The following DPP6 variants were observed in gnomAD, a reference collection of about 807,000 sequenced individuals.
DPP6 encodes dipeptidyl peptidase like 6.
Under a neutral mutation model 122.6 loss-of-function variants are expected in DPP6, and 69 were observed. The ratio of observed to expected loss-of-function variants is 0.56; its 90% CI spans 0.46 to 0.69. The LOEUF is 0.69. DPP6 is among the 30% of genes least tolerant of loss of function. The pLI, the probability that DPP6 is intolerant of heterozygous loss-of-function variation, is 0.00. For missense variants in DPP6, 928 were observed against 1,116.9 expected (o/e 0.83, Z 2.41); for synonymous variants, 418 against 433.1 (o/e 0.97, Z 0.43).
At chr7:153,795,531 G>A in the DPP6 span, among the ~76,000 whole-genome samples, 1 of 151,874 alleles carries the variant, frequency 6.6e-6, no homozygotes. Flanking sequence ...TTAATTTTAT[G>A]GATCTTCTCA....
intron 19 of DPP6, among the ~76,000 whole-genome samples, chr7:154,874,611 G>A (rs1804692779): frequency 1.3e-5 from 2 of 152,208 alleles, no homozygotes; most frequent in Non-Finnish European, 2.9e-5. Context: ...GCACTCGAGC[G>A]CGCCGCTCCT....
Position 154,297,078 on chromosome 7 carries a change from T to G in DPP6, c.244-149136T>G, listed in dbSNP as rs111226746. 6.2e-3 allele frequency among the ~76,000 whole-genome samples: 638 copies of G among 103,154 alleles called. 4 individuals carry two copies. The highest frequency in any genetic ancestry group is 9.7e-3 in the Admixed American group (91 of 9,376). The allele number at this position is 103,154 out of a possible 152,430, so 67.7% of individuals were successfully genotyped here. The stretch of plus-strand genomic sequence containing the variant: ...AATGTATTCTGTTTTTTTTTTTTTG[T>G]TTTGTTTTTCTATTTGGAGGGTGAG... On this transcript the variant is annotated intron_variant, in intron 1 of 25. Transcript: ENST00000377770.
intron 1 of DPP6, among the ~76,000 whole-genome samples, chr7:154,152,261 G>A (rs1796462843): frequency 6.6e-6 from 1 of 152,076 alleles, no homozygotes; most frequent in Non-Finnish European, 1.5e-5. Flanking sequence ...TTTCACAGGA[G>A]GCAGCTGCTG....
intron 1 of DPP6, among the ~76,000 whole-genome samples, chr7:154,160,396 G>T (rs1281666399): frequency 6.6e-6 from 1 of 152,190 alleles, no homozygotes; most frequent in Non-Finnish European, 1.5e-5. Flanking sequence ...CTTCCCCAAT[G>T]CAGGCTTTCT....
intron 7 of DPP6, among the ~76,000 whole-genome samples, chr7:154,726,080 G>T (rs1842052373): frequency 6.6e-6 from 1 of 152,150 alleles, no homozygotes; most frequent in Non-Finnish European, 1.5e-5. Flanking sequence ...AGCTCTGCAG[G>T]GTTCAGCTTC....
At chr7:153,932,839 C>T in intron 1 of DPP6, among the ~76,000 whole-genome samples, 1 of 152,164 alleles carries the variant, frequency 6.6e-6, no homozygotes, top group Admixed American at 6.5e-5. Flanking sequence ...GCTGTGTCCC[C>T]ACCCAAATCT....
chr7:154,345,738 A>G (rs1810341337), intron 1 of DPP6, among the ~76,000 whole-genome samples: 1 of 152,140 alleles, frequency 6.6e-6, no homozygotes, highest in African/African-American at 2.4e-5. Flanking sequence ...CATAAAGGCC[A>G]CTGCCAGCCA....
chr7:154,383,685 T>A (rs1486930645), intron 1 of DPP6, among the ~76,000 whole-genome samples: 1 of 151,598 alleles, frequency 6.6e-6, no homozygotes, highest in African/African-American at 2.4e-5. Context: ...AGGTCAGGAG[T>A]TCGAGACCAG....
chr7:154,574,909 CGT>C (rs1280189743), intron 5 of DPP6, among the ~76,000 whole-genome samples: 5 of 82,522 alleles, frequency 6.1e-5, no homozygotes, highest in South Asian at 7.7e-4. Context: ...GTGTGGTGTG[CGT>C]GTGTGTATGT....
chr7:154,095,570 G>A (rs1805266801), intron 1 of DPP6: 1 of 131,632 alleles, frequency 7.6e-6, no homozygotes, highest in South Asian at 2.8e-4. Context: ...GTAGAAAGGG[G>A]AAGCTTTAGC....
At chr7:154,824,996 A>G (rs1464265914) in intron 16 of DPP6, among the ~76,000 whole-genome samples, 1 of 152,250 alleles carries the variant, frequency 6.6e-6, no homozygotes, top group East Asian at 1.9e-4. Context: ...TACTAAATCC[A>G]TATTTCCATA....
At chr7:154,003,169 A>C (rs1002969863) in intron 1 of DPP6, among the ~76,000 whole-genome samples, 1 of 152,190 alleles carries the variant, frequency 6.6e-6, no homozygotes, top group Non-Finnish European at 1.5e-5. Flanking sequence ...GTTTTACAAG[A>C]ACTGCTTTGC....
At chr7:153,973,889 G>A (rs1796159566) in intron 1 of DPP6, among the ~76,000 whole-genome samples, 1 of 150,052 alleles carries the variant, frequency 6.7e-6, no homozygotes, top group Admixed American at 6.6e-5. Flanking sequence ...TCTACATCTG[G>A]TTTTAGAAGG....
intron 1 of DPP6, among the ~76,000 whole-genome samples, chr7:154,041,887 T>C (rs908972537): frequency 2.6e-5 from 4 of 151,978 alleles, no homozygotes; most frequent in African/African-American, 9.7e-5. Context: ...GCCTCGCGAG[T>C]AGCTAGGATT....
At chr7:154,818,536 C>T (rs1315636607) in intron 16 of DPP6, among the ~76,000 whole-genome samples, 9 of 152,182 alleles carry the variant, frequency 5.9e-5, no homozygotes, top group Non-Finnish European at 7.3e-5. Context: ...ACATAGTTTG[C>T]GTCTTCATTG....
At chr7:154,349,497 G>A (rs1810673923) in intron 1 of DPP6, among the ~76,000 whole-genome samples, 2 of 152,166 alleles carry the variant, frequency 1.3e-5, no homozygotes. Flanking sequence ...TGATGTCCAG[G>A]TACAGAGAAG....
intron 8 of DPP6, among the ~76,000 whole-genome samples, chr7:154,754,921 A>G (rs1843585357): frequency 6.6e-6 from 1 of 152,176 alleles, no homozygotes; most frequent in Non-Finnish European, 1.5e-5. Flanking sequence ...GTGGGAGTTG[A>G]ACAATGAGAA....
At chr7:153,880,547 GA>G in the DPP6 span, among the ~76,000 whole-genome samples, 2 of 152,186 alleles carry the variant, frequency 1.3e-5, no homozygotes, top group Admixed American at 6.5e-5. Flanking sequence ...GTAGGAAACT[GA>G]AGAGTTAAAA....
chr7:154,331,325 T>C (rs1380306714), intron 1 of DPP6, among the ~76,000 whole-genome samples: 1 of 152,228 alleles, frequency 6.6e-6, no homozygotes, highest in African/African-American at 2.4e-5. Flanking sequence ...TTTATTTTTC[T>C]CTATGACCTA....
Sources: gnomAD v4.1 joint callset for allele counts (sites outside exome capture counted in the v4.1 genomes callset) on GRCh38, gnomAD v4.1.1 for gene constraint, MANE v1.5 for transcripts, NCBI Gene and HGNC (gene_info 2026-07-23, HGNC 2026-07-21) for gene names.